CRYZL1: variants seen among roughly 807,000 people sequenced by gnomAD.
CRYZL1 encodes crystallin zeta like 1, also known as ferry endosomal RAB5 effector complex subunit 4.
A neutral mutation model predicts 50.6 loss-of-function variants in CRYZL1; 34 were observed. That is an observed-to-expected ratio of 0.67 (90% CI 0.51 to 0.89). CRYZL1 has a LOEUF of 0.89. Among genes scored for constraint, CRYZL1 ranks in the 40% least tolerant of loss-of-function variants. The probability of loss-of-function intolerance (pLI) is 0.00; values close to 1 mark genes in which losing one functional copy is unlikely to be tolerated. For synonymous variants in CRYZL1, 125 were observed against 134.3 expected, an observed-to-expected ratio of 0.93 and a Z score of 0.48; for missense variants, 354 against 402.3, an observed-to-expected ratio of 0.88 and a Z score of 1.03.
chr21:33,636,514 A>G (rs2087208435), intron 1 of CRYZL1, among the ~76,000 whole-genome samples: 1 of 152,210 alleles, frequency 6.6e-6, no homozygotes, highest in Non-Finnish European at 1.5e-5. Flanking sequence ...TATGTTAGTA[A>G]TACTATAAAT....
intron 11 of CRYZL1, among the ~76,000 whole-genome samples, chr21:33,593,835 A>G (rs948067237): frequency 4.0e-5 from 6 of 151,796 alleles, no homozygotes; most frequent in African/African-American, 1.5e-4. Flanking sequence ...AATACAAAAA[A>G]TTAGCCAGGC....
At chr21:33,604,947 C>T (rs1240234032) in intron 6 of CRYZL1, among the ~76,000 whole-genome samples, 1 of 152,180 alleles carries the variant, frequency 6.6e-6, no homozygotes, top group South Asian at 2.1e-4. Context: ...TACTTTCCCA[C>T]AGTAGTGTCC....
Position 33,593,313 on chromosome 21 carries a change from C to A in CRYZL1, c.905-2106G>T, listed in dbSNP as rs531497013. On this transcript the variant is annotated intron_variant, in intron 11 of 12. Transcript: ENST00000381554. ...AGTAGAGAAGGGGTTTCACCATGTT[C>A]GCCAGGATGGTCTCAATCTCCTGAC... Among the ~76,000 whole-genome samples, 17 of 151,964 alleles carry A rather than the reference C, an allele frequency of 1.1e-4. No individual in the cohort carries two copies. The East Asian group carries it at 2.2e-3, about 19-fold the overall frequency.
At chr21:33,602,197 T>G in intron 8 of CRYZL1, 37 bp downstream of exon 8, 1 of 1,121,380 alleles carries the variant, frequency 8.9e-7, no homozygotes, top group South Asian at 1.3e-5. Flanking sequence ...CCTTCAAAAT[T>G]TCCTGTTTTA....
intron 8 of CRYZL1, 66 bp downstream of exon 8, chr21:33,602,168 C>T (rs1242093721): frequency 1.4e-5 from 13 of 915,942 alleles, no homozygotes; most frequent in Non-Finnish European, 2.3e-5. Context: ...TTTACAAGTA[C>T]ATTTTTAAAG....
chr21:33,595,352 C>T, intron 11 of CRYZL1: 1 of 1,286,916 alleles, frequency 7.8e-7, no homozygotes, highest in Admixed American at 2.3e-5. Context: ...AGTAAGTGTG[C>T]AACCTTTCAA....
In CRYZL1 at chr21:33,589,703, C is replaced by T. The variant is rs1297034633; in HGVS notation, c.*119G>A. Reference sequence around the variant, plus strand: ...TGAGCATCTTGTCTTAGCAGAGAAACGTGCTTAAAAATGCAACTTGTTTTA... The same window carrying T: ...TGAGCATCTTGTCTTAGCAGAGAAATGTGCTTAAAAATGCAACTTGTTTTA... On this transcript the variant is annotated 3_prime_UTR_variant, in exon 13 of 13. Coordinates refer to ENST00000381554, the MANE Select transcript of CRYZL1 (RefSeq NM_145858.3). 4.5e-6 allele frequency: 3 copies of T among 664,338 alleles called. No homozygotes were observed. The highest frequency in any genetic ancestry group is 3.6e-5 in the African/African-American group (2 of 54,852). 41.2% of individuals were successfully genotyped at this position (664,338 alleles called of 1,614,324 possible).
chr21:33,626,822 C>T (rs1053980765), intron 2 of CRYZL1, among the ~76,000 whole-genome samples: 9 of 152,068 alleles, frequency 5.9e-5, no homozygotes, highest in African/African-American at 2.2e-4. Context: ...GAACCTGGTA[C>T]TAATAATTAA....
intron 9 of CRYZL1, among the ~76,000 whole-genome samples, chr21:33,598,741 G>A (rs1261914488): frequency 1.3e-5 from 2 of 151,558 alleles, no homozygotes; most frequent in East Asian, 1.9e-4. Context: ...GCCTGCCCAG[G>A]ATGGCATTAA....
At chr21:33,639,888 T>C (rs2087257358) in intron 1 of CRYZL1, 2 of 255,438 alleles carry the variant, frequency 7.8e-6, no homozygotes, top group Non-Finnish European at 1.5e-5. Flanking sequence ...GTGGTGGTCG[T>C]GATCTTGGCT....
rs148810481 is a variant in CRYZL1, at chr21:33,608,742, T to C, written c.331+4796A>G. ...AGGCTGAACAGTATTCCATTGTGTA[T>C]ATCTATATCATATTATTCATTCATC... On this transcript the variant is annotated intron_variant, in intron 6 of 12. Transcript: ENST00000381554. Among the ~76,000 whole-genome samples, 296 of 152,328 alleles carry C rather than the reference T, an allele frequency of 1.9e-3. 1 individual carries two copies. Among genetic ancestry groups the C allele is most frequent in the African/African-American group, 6.6e-3 (273 of 41,576 alleles).
At chr21:33,625,004 T>C (rs1286088615) in intron 2 of CRYZL1, among the ~76,000 whole-genome samples, 1 of 152,220 alleles carries the variant, frequency 6.6e-6, no homozygotes, top group East Asian at 1.9e-4. Context: ...AATAACAATA[T>C]GGATATATAT....
At chr21:33,639,445 G>A (rs2087250502) in intron 1 of CRYZL1, among the ~76,000 whole-genome samples, 1 of 152,194 alleles carries the variant, frequency 6.6e-6, no homozygotes, top group African/African-American at 2.4e-5. Flanking sequence ...TGTGATGAAT[G>A]AGTCTTCCCT....
rs1046312 is a variant in CRYZL1, at chr21:33,589,659, A to T, written c.*163T>A. ...TCATTTGCACAAGAATTTTTCAAAC[A>T]CTTTTCAAATGTGTCAACTGAGCAT... On this transcript the variant is annotated 3_prime_UTR_variant, in exon 13 of 13. Coordinates refer to ENST00000381554, the MANE Select transcript of CRYZL1 (RefSeq NM_145858.3). The T allele has an allele frequency of 0.14, 77,635 of 564,534 alleles. 8,439 individuals are homozygous for T. Among genetic ancestry groups the T allele is most frequent in the East Asian group, 0.5 (16,513 of 33,150 alleles). The allele number at this position is 564,534 out of a possible 1,614,324, so 35.0% of individuals were successfully genotyped here.
At chr21:33,630,239 A>T (rs1014741066) in intron 2 of CRYZL1, among the ~76,000 whole-genome samples, 1 of 152,218 alleles carries the variant, frequency 6.6e-6, no homozygotes, top group Non-Finnish European at 1.5e-5. Context: ...TGGTCATGTA[A>T]ATTAGTATAG....
intron 11 of CRYZL1, among the ~76,000 whole-genome samples, chr21:33,593,874 A>T (rs1046417212): frequency 1.3e-5 from 2 of 148,534 alleles, no homozygotes; most frequent in African/African-American, 5.0e-5. Flanking sequence ...AATCCCAGCT[A>T]CTCAGGAGGC....
intron 6 of CRYZL1, among the ~76,000 whole-genome samples, chr21:33,609,530 C>T (rs905809184): frequency 3.3e-5 from 5 of 151,876 alleles, no homozygotes; most frequent in African/African-American, 9.7e-5. Context: ...AGGCTAGTCT[C>T]GGACTCCTGA....
chr21:33,613,237 T>C (rs2086891987), intron 6 of CRYZL1, among the ~76,000 whole-genome samples: 1 of 152,240 alleles, frequency 6.6e-6, no homozygotes, highest in Non-Finnish European at 1.5e-5. Context: ...TTTTTAATTC[T>C]GATTAGGTAT....
intron 6 of CRYZL1, 81 bp downstream of exon 6, chr21:33,613,457 C>G (rs977702665): frequency 1.0e-6 from 1 of 977,748 alleles, no homozygotes; most frequent in East Asian, 2.4e-5. Flanking sequence ...ATGGTAGATT[C>G]AAAAAAATTA....
Sources: gnomAD v4.1 joint callset for allele counts (sites outside exome capture counted in the v4.1 genomes callset) on GRCh38, gnomAD v4.1.1 for gene constraint, MANE v1.5 for transcripts, NCBI Gene and HGNC (gene_info 2026-07-23, HGNC 2026-07-21) for gene names.